The following DIP2B variants were observed in gnomAD, a reference collection of about 807,000 sequenced individuals.
DIP2B encodes the protein DIP2 acetate--CoA ligase B (putative).
In DIP2B, 76 loss-of-function variants were observed where a neutral mutation model predicts 198.0. The ratio of observed to expected loss-of-function variants is 0.38; its 90% confidence interval spans 0.32 to 0.46. DIP2B has a LOEUF of 0.46. DIP2B is among the 20% of genes least tolerant of loss of function. DIP2B has a pLI of 0.99. For synonymous variants in DIP2B, 701 were observed against 739.1 expected (o/e 0.95, Z 0.84); for missense variants, 1,559 against 1,978.4 (o/e 0.79, Z 4.02).
chr12:50,601,331 ATATT>A (rs1269472975), intron 1 of DIP2B, among the ~76,000 whole-genome samples: 2 of 141,652 alleles, frequency 1.4e-5, no homozygotes, highest in African/African-American at 5.8e-5. Flanking sequence ...ATATATCTAT[ATATT>A]TTTTTGTTTG....
chr12:50,620,351 T>C (rs1034646792), intron 1 of DIP2B, among the ~76,000 whole-genome samples: 5 of 152,170 alleles, frequency 3.3e-5, no homozygotes, highest in African/African-American at 1.2e-4. Flanking sequence ...TCCCAGGTGG[T>C]GAGGAAAGAA....
At position 50,686,628 on chromosome 12, in the gene DIP2B, G is replaced by A. The variant is rs1939135240; in HGVS notation, c.1497G>A (p.Pro499=). 6.8e-6 allele frequency: 11 copies of A among 1,613,914 alleles called. No homozygotes were observed. Among genetic ancestry groups the A allele is most frequent in the Admixed American group, 1.7e-5 (1 of 59,982 alleles). ...ATTCCAAGTACCTTTCAAAGCCACCGAAAGACTGGCAGCCACACATCTCAC... is the reference window on the plus strand; with the variant it reads ...ATTCCAAGTACCTTTCAAAGCCACCAAAAGACTGGCAGCCACACATCTCAC... ...VTDSKYLSKP[P]KDWQPHISPA... is the part of the protein sequence containing the mutation. The change falls in exon 12 of 38, where the codon CCG becomes CCA. Residue 499 remains proline, a synonymous_variant. Coordinates refer to ENST00000301180, the MANE Select transcript of DIP2B (RefSeq NM_173602.3).
chr12:50,661,375 C>G (rs1592115414), intron 4 of DIP2B, among the ~76,000 whole-genome samples: 2 of 152,262 alleles, frequency 1.3e-5, no homozygotes, highest in Admixed American at 1.3e-4. Flanking sequence ...TTGAGCTGTT[C>G]ATACTGATCC....
At chr12:50,559,709 CCACACACACACA>C (rs55678718) in intron 1 of DIP2B, among the ~76,000 whole-genome samples, 3 of 139,520 alleles carry the variant, frequency 2.2e-5, no homozygotes, top group Non-Finnish European at 4.6e-5. Context: ...GTGACAGAAA[CCACACACACACA>C]CACACACACA....
Position 50,625,989 on chromosome 12 carries a change from G to A in DIP2B, c.114G>A (p.Gln38=), listed in dbSNP as rs1362020518. 4 of 1,613,960 alleles carry A rather than the reference G, an allele frequency of 2.5e-6. No homozygotes were observed. The African/African-American group carries it at 4.0e-5, about 16-fold the overall frequency. ...ELELSEGDIT[Q]KGYEKKRSKL... ...TTGCTATTTTAGGGGACATCACCCA[G>A]AAGGGCTATGAAAAGAAAAGGTCCA... Residue 38 remains glutamine, a synonymous_variant, in exon 2 of 38, where the codon CAG becomes CAA. Coordinates refer to ENST00000301180, the MANE Select transcript of DIP2B (RefSeq NM_173602.3).
chr12:50,694,504 A>AATAC lies in DIP2B; in HGVS notation c.1720-709_1720-706dup, dbSNP rs59419587. On this transcript the variant is annotated intron_variant, in intron 14 of 37. Transcript: ENST00000301180. ...AGCAGGACTCTGTCTCAGATAAATA[A>AATAC]ATACATACATACATACATACATACA... 5.8e-3 allele frequency among the ~76,000 whole-genome samples: 840 copies of AATAC among 143,720 alleles called. 4 individuals carry two copies. Among genetic ancestry groups the AATAC allele is most frequent in the Middle Eastern group, 0.017 (5 of 288 alleles). The allele number at this position is 143,720 out of a possible 152,430, so 94.3% of individuals were successfully genotyped here.
chr12:50,642,221 A>G (rs1050468268), intron 3 of DIP2B, among the ~76,000 whole-genome samples: 1 of 152,188 alleles, frequency 6.6e-6, no homozygotes, highest in Non-Finnish European at 1.5e-5. Context: ...AAGCTGAGTC[A>G]TGGCAGACAA....
chr12:50,596,327 A>G (rs12820741), intron 1 of DIP2B, among the ~76,000 whole-genome samples: 69 of 152,236 alleles, frequency 4.5e-4, no homozygotes, highest in Non-Finnish European at 8.7e-4. Flanking sequence ...TCTCTCTTGC[A>G]TGGTGGTAAA....
intron 1 of DIP2B, among the ~76,000 whole-genome samples, chr12:50,513,429 A>T (rs191576863): frequency 7.9e-5 from 12 of 152,224 alleles, no homozygotes; most frequent in Non-Finnish European, 1.5e-4. Flanking sequence ...TGCCTGTGAC[A>T]TATAAGCTTG....
At position 50,714,544 on chromosome 12, in the gene DIP2B, G is replaced by A. The variant is rs1435971468; in HGVS notation, c.2799G>A (p.Met933Ile). The A allele has an allele frequency of 6.2e-7, 1 of 1,614,106 alleles. No homozygotes were observed. The highest frequency in any genetic ancestry group is 8.5e-7 in the Non-Finnish European group (1 of 1,180,010). Residue 933 changes from methionine to isoleucine, a missense_variant, in exon 23 of 38, where the codon ATG becomes ATA. Transcript: ENST00000301180. The part of the protein sequence containing the change: ...EGSLHPCNIL[M>I]CPHTCVTNLP... ...CACTGCATCCTTGCAACATCCTCATGTGCCCCCATACATGTGTGACAAACT... is the reference window on the plus strand; with the variant it reads ...CACTGCATCCTTGCAACATCCTCATATGCCCCCATACATGTGTGACAAACT...
At chr12:50,632,945 T>TAA (rs79461135) in intron 2 of DIP2B, among the ~76,000 whole-genome samples, 1 of 148,160 alleles carries the variant, frequency 6.7e-6, no homozygotes, top group South Asian at 2.1e-4. Flanking sequence ...TTTTTTTTCT[T>TAA]AAAAAAAAAA....
chr12:50,512,498 C>T (rs1052587317), intron 1 of DIP2B, among the ~76,000 whole-genome samples: 1 of 152,064 alleles, frequency 6.6e-6, no homozygotes, highest in Non-Finnish European at 1.5e-5. Flanking sequence ...TTTAGGAATA[C>T]GATAAATTTT....
rs562131481 is a variant in DIP2B at position 50,620,391 on chromosome 12, C to T, written c.101-5585C>T. On this transcript the variant is annotated intron_variant, in intron 1 of 37. Transcript: ENST00000301180. Reference sequence around the variant, plus strand: ...GAAACATAAGTCCTTTATACTCAGCCTCACACATGTGTCTTTCTGTATGTC... The same window carrying T: ...GAAACATAAGTCCTTTATACTCAGCTTCACACATGTGTCTTTCTGTATGTC... Among the ~76,000 whole-genome samples, 26 of 152,312 alleles carry T rather than the reference C, an allele frequency of 1.7e-4. No individual in the cohort carries two copies. The South Asian group carries it at 5.0e-3, about 29-fold the overall frequency.
intron 1 of DIP2B, among the ~76,000 whole-genome samples, chr12:50,615,689 G>GC (rs1356480956): frequency 2.0e-5 from 3 of 152,174 alleles, no homozygotes; most frequent in African/African-American, 7.2e-5. Flanking sequence ...TGTGCTGTGT[G>GC]CCAGGGACTT....
At chr12:50,543,349 GCGCAATCTTGGCTCAC>G (rs1958343494) in intron 1 of DIP2B, among the ~76,000 whole-genome samples, 1 of 151,796 alleles carries the variant, frequency 6.6e-6, no homozygotes, top group Admixed American at 6.6e-5. Flanking sequence ...GAGTGCAGTG[GCGCAATCTTGGCTCAC>G]CGCAACTTCC....
At chr12:50,689,170 G>T (rs1184139306) in intron 12 of DIP2B, among the ~76,000 whole-genome samples, 1 of 152,166 alleles carries the variant, frequency 6.6e-6, no homozygotes, top group African/African-American at 2.4e-5. Flanking sequence ...GGCTTAGGCA[G>T]GCGGATCATT....
Position 50,724,883 on chromosome 12 carries a change from A to C in DIP2B, c.3397A>C (p.Thr1133Pro), listed in dbSNP as rs199698745. 6.2e-7 allele frequency: 1 copy of C among 1,614,120 alleles called. No homozygotes were observed. Among genetic ancestry groups the C allele is most frequent in the South Asian group, 1.1e-5 (1 of 91,078 alleles). ...DVKTWPTIID[T>P]DDLPRKRLPQ... is the part of the protein sequence containing the mutation. The stretch of plus-strand genomic sequence containing the variant: ...GAAAACCTGGCCAACCATCATTGAC[A>C]CAGGTGAAAGGGAGACTTCTTCTGA... The change falls in exon 28 of 38, where the codon ACA (threonine) becomes CCA (proline). Residue 1133 changes from threonine (T) to proline (P), a missense_variant. Thr to Pro is a conservative substitution (Grantham distance 38, BLOSUM62 -1). Coordinates refer to ENST00000301180, the MANE Select transcript of DIP2B (RefSeq NM_173602.3).
Position 50,697,054 on chromosome 12 carries a change from T to A in DIP2B, c.1934-7T>A. 5.6e-6 allele frequency: 9 copies of A among 1,611,484 alleles called. No homozygotes were observed. Among genetic ancestry groups the A allele is most frequent in the Non-Finnish European group, 7.6e-6 (9 of 1,178,300 alleles). On this transcript the variant is annotated splice_polypyrimidine_tract_variant and splice_region_variant and intron_variant, in intron 16 of 37. Transcript: ENST00000301180. Reference sequence around the variant, plus strand: ...CAGCTTCAGGTTGATCTGTTCCAACTCCTTAGGGTCCGTGTCATCCTGTGA... The same window carrying A: ...CAGCTTCAGGTTGATCTGTTCCAACACCTTAGGGTCCGTGTCATCCTGTGA...
intron 35 of DIP2B, among the ~76,000 whole-genome samples, chr12:50,738,658 A>G (rs1329422504): frequency 6.6e-6 from 1 of 151,724 alleles, no homozygotes; most frequent in Non-Finnish European, 1.5e-5. Flanking sequence ...CTAATTTTGT[A>G]TTTTTAGTAG....
Sources: gnomAD v4.1 joint callset for allele counts (sites outside exome capture counted in the v4.1 genomes callset) on GRCh38, gnomAD v4.1.1 for gene constraint, MANE v1.5 for transcripts, NCBI Gene and HGNC (gene_info 2026-07-23, HGNC 2026-07-21) for gene names.